The following EI24 variants were observed in gnomAD, a reference collection of about 807,000 sequenced individuals.
EI24 encodes the protein etoposide-induced protein 2.4 homolog.
In EI24, 21 loss-of-function variants were observed where a neutral mutation model predicts 48.6. The ratio of observed to expected loss-of-function variants is 0.43; its 90% CI spans 0.31 to 0.62. EI24 has a LOEUF of 0.62. Ranked by LOEUF, EI24 falls within the 20% of genes least tolerant of loss-of-function variation. The pLI, the probability that EI24 is intolerant of heterozygous loss-of-function variation, is 0.10. For missense variants in EI24, 280 were observed against 410.5 expected, an observed-to-expected ratio of 0.68 and a Z score of 2.75; for synonymous variants, 114 against 145.5, an observed-to-expected ratio of 0.78 and a Z score of 1.56.
chr11:125,579,373 A>T (rs1378645250), intron 7 of EI24, among the ~76,000 whole-genome samples: 8 of 149,324 alleles, frequency 5.4e-5, no homozygotes, highest in African/African-American at 2.0e-4. Flanking sequence ...TTTTAAAGAG[A>T]CAGACGGGTC....
chr11:125,579,189 G>A, intron 7 of EI24, 121 bp downstream of exon 7: 1 of 825,466 alleles, frequency 1.2e-6, no homozygotes, highest in Non-Finnish European at 1.7e-6. Context: ...ATGCTGGTGG[G>A]AGGTAATGAT....
chr11:125,572,535 AC>A lies in EI24; in HGVS notation c.9del (p.Asp3GlufsTer27), dbSNP rs1938570174. ...TAGTTTGGTGGTGAAGAGATGGCTGACAGTGTCAAAACCTTTCTCCAGGACC... is the reference window on the plus strand; with the variant it reads ...TAGTTTGGTGGTGAAGAGATGGCTGAAGTGTCAAAACCTTTCTCCAGGACC... MA[D>X]SVKTFLQDLA... On this transcript the variant is annotated frameshift_variant, in exon 2 of 11. Transcript: ENST00000278903. LOFTEE classifies it high-confidence loss of function. The A allele has an allele frequency of 6.2e-7, 1 of 1,613,628 alleles. No homozygotes were observed. The highest frequency in any genetic ancestry group is 8.5e-7 in the Non-Finnish European group (1 of 1,179,822).
intron 6 of EI24, 33 bp downstream of exon 6, chr11:125,578,290 G>T (rs376481083): frequency 6.2e-7 from 1 of 1,612,540 alleles, no homozygotes; most frequent in Non-Finnish European, 8.5e-7. Flanking sequence ...TCTGGGTCCC[G>T]CAGCATGATT....
At position 125,583,615 on chromosome 11, in the gene EI24, A is replaced by T; in HGVS notation, c.955A>T (p.Thr319Ser). 6.2e-7 allele frequency: 1 copy of T among 1,613,306 alleles called. No individual in the cohort carries two copies. The highest frequency in any genetic ancestry group is 8.5e-7 in the Non-Finnish European group (1 of 1,179,742). Residue 319 changes from threonine to serine, a missense_variant, in exon 11 of 11, where the codon ACT becomes TCT. Transcript: ENST00000278903. ...VYLQSALSSS[T>S]SAEKFPSPHP... ...CCTGCAGTCGGCCCTGAGCAGCTCTACTTCTGCAGAGAAGTTCCCTTCACC... is the reference window on the plus strand; with the variant it reads ...CCTGCAGTCGGCCCTGAGCAGCTCTTCTTCTGCAGAGAAGTTCCCTTCACC...
At chr11:125,581,438 G>A (rs1024795170) in intron 9 of EI24, 116 bp downstream of exon 9, 2 of 496,802 alleles carry the variant, frequency 4.0e-6, no homozygotes, top group African/African-American at 3.9e-5. Context: ...TCCATCAGGA[G>A]ACCTGCAGGG....
intron 2 of EI24, 99 bp downstream of exon 2, chr11:125,572,668 CA>C: frequency 8.7e-7 from 1 of 1,154,302 alleles, no homozygotes; most frequent in African/African-American, 1.6e-5. Flanking sequence ...GAACTTTTAT[CA>C]TATTTCTTGG....
At chr11:125,573,096 A>G (rs1256084317) in intron 2 of EI24, among the ~76,000 whole-genome samples, 1 of 151,994 alleles carries the variant, frequency 6.6e-6, no homozygotes, top group East Asian at 1.9e-4. Context: ...AGTAGAGACG[A>G]AGTTTTGGCA....
intron 1 of EI24, chr11:125,570,327 T>G (rs2135843475): frequency 6.6e-6 from 1 of 152,318 alleles, no homozygotes; most frequent in East Asian, 1.9e-4. Flanking sequence ...TCTGTCTAGC[T>G]CAGCTGTAGG....
intron 7 of EI24, 26 bp downstream of exon 7, chr11:125,579,094 G>C: frequency 6.5e-7 from 1 of 1,544,138 alleles, no homozygotes; most frequent in Non-Finnish European, 8.7e-7. Context: ...TGGGCATATG[G>C]GCAGCTTTAT....
chr11:125,582,524 A>C, intron 10 of EI24, 104 bp downstream of exon 10: 1 of 891,276 alleles, frequency 1.1e-6, no homozygotes. Flanking sequence ...TTACTGTAGG[A>C]AAATCTTAAT....
intron 5 of EI24, 112 bp downstream of exon 5, chr11:125,577,682 TTC>T (rs1447592157): frequency 2.2e-6 from 2 of 918,718 alleles, no homozygotes; most frequent in Admixed American, 5.3e-5. Context: ...ACTGTTTATT[TTC>T]TTTTTTGTTG....
In EI24 at chr11:125,583,891, C is replaced by A; in HGVS notation, c.*208C>A. 1.6e-6 allele frequency: 1 copy of A among 613,506 alleles called. No individual in the cohort carries two copies. The highest frequency in any genetic ancestry group is 2.8e-6 in the Non-Finnish European group (1 of 356,210). 38.0% of individuals were successfully genotyped at this position (613,506 alleles called of 1,614,324 possible). ...ACACCAGTGTGTGGATTTTTAACAT[C>A]ACCGTGAGTCTGAAAGGACCACAGG... On this transcript the variant is annotated 3_prime_UTR_variant, in exon 11 of 11. Coordinates refer to ENST00000278903, the MANE Select transcript of EI24 (RefSeq NM_004879.5).
intron 10 of EI24, 28 bp downstream of exon 10, chr11:125,582,448 T>G (rs1181029014): frequency 6.4e-7 from 1 of 1,561,240 alleles, no homozygotes; most frequent in Non-Finnish European, 8.7e-7. Context: ...ATGAAATTTT[T>G]GCTGTGTAAA....
At chr11:125,571,397 C>A (rs1433809477) in intron 1 of EI24, among the ~76,000 whole-genome samples, 9 of 152,172 alleles carry the variant, frequency 5.9e-5, no homozygotes, top group Non-Finnish European at 1.0e-4. Flanking sequence ...ACAAGTATTT[C>A]TCACATGAAC....
At chr11:125,582,325 C>CT (rs71045107) in intron 9 of EI24, 21 bp from the exon 10 acceptor site, 288,909 of 1,296,376 alleles carry the variant, frequency 0.22, 4,224 homozygotes, top group East Asian at 0.28. Context: ...CTAATTATTT[C>CT]TTTTTTTTTT....
Position 125,583,647 on chromosome 11 carries a change from G to A in EI24, c.987G>A (p.Pro329=), listed in dbSNP as rs201282432. ...CAGAGAAGTTCCCTTCACCGCATCC[G>A]TCGCCTGCCAAACTGAAGGCTACTG... ...TSAEKFPSPH[P]SPAKLKATAG... The change falls in exon 11 of 11, where the codon CCG becomes CCA. Residue 329 remains proline (P), a synonymous_variant. Transcript: ENST00000278903. 4.8e-4 allele frequency: 778 copies of A among 1,613,226 alleles called. 8 individuals are homozygous for A. Among genetic ancestry groups the A allele is most frequent in the Non-Finnish European group, 4.2e-5 (50 of 1,179,658 alleles).
intron 3 of EI24, chr11:125,575,923 GA>G: frequency 2.6e-6 from 1 of 389,170 alleles, no homozygotes; most frequent in South Asian, 1.9e-5. Flanking sequence ...CGGCTGGCTG[GA>G]AGTACAGGTG....
intron 5 of EI24, 165 bp from the exon 6 acceptor site, chr11:125,577,968 T>C: frequency 1.3e-6 from 1 of 743,180 alleles, no homozygotes; most frequent in Non-Finnish European, 2.2e-6. Flanking sequence ...CAGAATGTGG[T>C]GCGTCTATTA....
chr11:125,579,156 T>C, intron 7 of EI24, 88 bp downstream of exon 7: 1 of 1,312,632 alleles, frequency 7.6e-7, no homozygotes. Flanking sequence ...CAGAGTATTA[T>C]ATTTATACAG....
Sources: allele counts gnomAD v4.1 joint callset (sites outside exome capture counted in the v4.1 genomes callset), GRCh38; gene constraint gnomAD v4.1.1; transcripts MANE v1.5; gene names NCBI Gene and HGNC (gene_info 2026-07-23, HGNC 2026-07-21).